DAPK2: variants seen among roughly 807,000 people sequenced by gnomAD.
DAPK2 encodes the protein death-associated protein kinase 2.
A neutral mutation model predicts 44.1 loss-of-function variants in DAPK2; 35 were observed. The observed-to-expected ratio is 0.79, with a 90% CI of 0.61 to 1.05. The LOEUF (loss-of-function observed/expected upper bound fraction) is 1.05, where lower values mean the gene tolerates loss of function less well. Among genes scored for constraint, DAPK2 ranks in the 50% least tolerant of loss-of-function variants. The pLI, the probability that DAPK2 is intolerant of heterozygous loss-of-function variation, is 0.00. For missense variants in DAPK2, 453 were observed against 483.2 expected (o/e 0.94, Z 0.59); for synonymous variants, 174 against 182.6 (o/e 0.95, Z 0.38).
At chr15:63,991,609 C>A (rs955823069) in intron 1 of DAPK2, among the ~76,000 whole-genome samples, 1 of 152,168 alleles carries the variant, frequency 6.6e-6, no homozygotes, top group Admixed American at 6.5e-5. Context: ...CGCCCCCACC[C>A]ATGAGGCCTA....
intron 2 of DAPK2, among the ~76,000 whole-genome samples, chr15:63,975,990 C>A (rs1595835944): frequency 6.6e-6 from 1 of 151,780 alleles, no homozygotes; most frequent in East Asian, 1.9e-4. Context: ...TCAAAATCTT[C>A]TTTTCTCCTT....
intron 1 of DAPK2, among the ~76,000 whole-genome samples, chr15:63,988,815 CT>C (rs2078736442): frequency 6.6e-6 from 1 of 151,836 alleles, no homozygotes; most frequent in South Asian, 2.1e-4. Context: ...CAGCTTTTTT[CT>C]TAATGAGCTA....
At position 63,930,374 on chromosome 15, in the gene DAPK2, C is replaced by T. The variant is rs370379713; in HGVS notation, c.632+33G>A. On this transcript the variant is annotated intron_variant, in intron 5 of 10. Transcript: ENST00000261891. ...TGAGGCCTTCCGCCCTTGGAAGGAT[C>T]GCTAGGTCACCTGAGTGGCCTATCC... 93 of 1,610,736 alleles carry T rather than the reference C, an allele frequency of 5.8e-5. No homozygotes were observed. In the African/African-American group the frequency reaches 8.9e-4, roughly 15 times the overall value.
chr15:63,955,733 A>G (rs1041616437), intron 3 of DAPK2, among the ~76,000 whole-genome samples: 5 of 151,826 alleles, frequency 3.3e-5, no homozygotes, highest in Non-Finnish European at 5.9e-5. Context: ...ACACCCAGCT[A>G]ATTTTTGTAT....
At chr15:63,938,034 T>C (rs956330778) in intron 4 of DAPK2, among the ~76,000 whole-genome samples, 4 of 151,978 alleles carry the variant, frequency 2.6e-5, no homozygotes, top group South Asian at 2.1e-4. Flanking sequence ...GAGTTTACCT[T>C]AACTAAAATC....
intron 3 of DAPK2, among the ~76,000 whole-genome samples, chr15:63,967,037 G>A (rs980891136): frequency 2.6e-5 from 4 of 152,060 alleles, no homozygotes; most frequent in East Asian, 1.9e-4. Context: ...AAAATTAGCC[G>A]GGCATAGTGG....
intron 1 of DAPK2, among the ~76,000 whole-genome samples, chr15:64,000,186 TACACAC>T (rs3056828): frequency 0.35 from 52,195 of 147,720 alleles, 10,741 homozygotes; most frequent in Non-Finnish European, 0.48. Context: ...CTACTACTAC[TACACAC>T]ACACACACAC....
intron 8 of DAPK2, chr15:63,922,486 C>G: frequency 7.8e-7 from 1 of 1,279,160 alleles, no homozygotes; most frequent in Non-Finnish European, 9.9e-7. Context: ...GAGGGGTACT[C>G]ACTCTCTAAT....
intron 6 of DAPK2, chr15:63,928,146 T>G (rs143105188): frequency 2.0e-5 from 3 of 152,420 alleles, no homozygotes; most frequent in Non-Finnish European, 4.4e-5. Context: ...TCTCTTTGCA[T>G]CAAATTCAGC....
chr15:63,959,240 T>C (rs916963806), intron 3 of DAPK2, among the ~76,000 whole-genome samples: 2 of 152,238 alleles, frequency 1.3e-5, no homozygotes, highest in African/African-American at 4.8e-5. Flanking sequence ...CTTATCAGCT[T>C]AAGGAGATTT....
exon 11 of DAPK2, chr15:63,907,711 A>G (rs1357167152): frequency 6.6e-6 from 1 of 151,924 alleles, no homozygotes; most frequent in Non-Finnish European, 1.5e-5. Context: ...GTGAGCCACC[A>G]CTCCCAGTCT....
chr15:64,014,271 C>CA (rs972847186), intron 1 of DAPK2, among the ~76,000 whole-genome samples: 2 of 152,254 alleles, frequency 1.3e-5, no homozygotes, highest in African/African-American at 4.8e-5. Flanking sequence ...ACAAGGAGAA[C>CA]ATTTATGTTG....
intron 1 of DAPK2, among the ~76,000 whole-genome samples, chr15:64,032,815 G>C (rs900265242): frequency 1.3e-5 from 2 of 152,098 alleles, no homozygotes; most frequent in Non-Finnish European, 1.5e-5. Context: ...GGTGGGCGTG[G>C]TGGTTCATGA....
At chr15:63,996,675 C>T (rs2078956739) in intron 1 of DAPK2, among the ~76,000 whole-genome samples, 1 of 152,146 alleles carries the variant, frequency 6.6e-6, no homozygotes, top group East Asian at 1.9e-4. Context: ...AGGACACGAG[C>T]ATGGAGAAAT....
At chr15:63,996,354 G>A (rs2078948786) in intron 1 of DAPK2, among the ~76,000 whole-genome samples, 1 of 152,140 alleles carries the variant, frequency 6.6e-6, no homozygotes, top group African/African-American at 2.4e-5. Flanking sequence ...GAGGTGGGAG[G>A]ATCATTTCAG....
intron 2 of DAPK2, among the ~76,000 whole-genome samples, chr15:63,981,044 C>T (rs773641860): frequency 2.6e-4 from 39 of 148,918 alleles, no homozygotes; most frequent in African/African-American, 8.4e-4. Context: ...GAGCCAGGAT[C>T]GCGTCATTGC....
At chr15:63,935,806 A>G (rs370465634) in intron 4 of DAPK2, 1 of 151,920 alleles carries the variant, frequency 6.6e-6, no homozygotes, top group Non-Finnish European at 1.5e-5. Flanking sequence ...CCTCTCTTTC[A>G]TATTTCTATG....
chr15:63,994,862 T>A (rs1176452079), intron 1 of DAPK2, among the ~76,000 whole-genome samples: 1 of 152,128 alleles, frequency 6.6e-6, no homozygotes, highest in East Asian at 1.9e-4. Context: ...AGTGCTAGGA[T>A]TACAGGCGTG....
chr15:64,021,504 G>A (rs565619310), intron 1 of DAPK2, among the ~76,000 whole-genome samples: 3 of 152,330 alleles, frequency 2.0e-5, no homozygotes, highest in African/African-American at 7.2e-5. Context: ...GCTAAGCACA[G>A]CTGATGGCTT....
Sources: gnomAD v4.1 joint callset for allele counts (sites outside exome capture counted in the v4.1 genomes callset) on GRCh38, gnomAD v4.1.1 for gene constraint, MANE v1.5 for transcripts, NCBI Gene and HGNC (gene_info 2026-07-23, HGNC 2026-07-21) for gene names.